ZNF398: variants seen among roughly 807,000 people sequenced by gnomAD.
The protein encoded by ZNF398 is zinc finger DNA binding protein ZER6.
A neutral mutation model predicts 41.9 loss-of-function variants in ZNF398; 18 were observed. That is an observed-to-expected ratio of 0.43 (90% CI 0.30 to 0.64). The LOEUF (loss-of-function observed/expected upper bound fraction) is 0.64, where lower values mean the gene tolerates loss of function less well. Among genes scored for constraint, ZNF398 ranks in the 30% least tolerant of loss-of-function variants. The pLI is 0.14. For missense variants in ZNF398, 669 were observed against 822.8 expected (o/e 0.81, Z 2.29); for synonymous variants, 260 against 308.8 (o/e 0.84, Z 1.66).
At chr7:149,126,899 T>C (rs1179135907) in intron 1 of ZNF398, among the ~76,000 whole-genome samples, 1 of 152,118 alleles carries the variant, frequency 6.6e-6, no homozygotes, top group Non-Finnish European at 1.5e-5. Context: ...AGCGCCCTTC[T>C]GGGCTCCCCG....
intron 5 of ZNF398, among the ~76,000 whole-genome samples, chr7:149,178,024 G>A (rs1795497583): frequency 6.6e-6 from 1 of 152,174 alleles, no homozygotes; most frequent in African/African-American, 2.4e-5. Context: ...GGACGCGGTG[G>A]CTCATGCCTG....
chr7:149,149,061 C>CT lies in ZNF398; in HGVS notation c.24+1295_24+1296insT, dbSNP rs1827041566. ...GTGCACGCCTGTAGTCCCAGCTAGG[C>CT]CGGGGGCTGAGGCGGAAGAATCACT... is the stretch of plus-strand genomic sequence containing the variant. On this transcript the variant is annotated intron_variant, in intron 1 of 5. Coordinates refer to ENST00000475153, the MANE Select transcript of ZNF398 (RefSeq NM_170686.3). Among the ~76,000 whole-genome samples the CT allele has an allele frequency of 4.0e-5, 6 of 151,606 alleles. No individual in the cohort carries two copies. The East Asian group carries it at 1.2e-3, about 29-fold the overall frequency.
chr7:149,131,648 T>A (rs1826597532), intron 2 of ZNF398, among the ~76,000 whole-genome samples: 1 of 152,162 alleles, frequency 6.6e-6, no homozygotes, highest in Non-Finnish European at 1.5e-5. Context: ...ATCGGGCCAC[T>A]GCACTCCAGC....
rs1202447 is a variant in ZNF398 at position 149,164,970 on chromosome 7, C to G, written c.421-1188C>G. 2.9e-4 allele frequency among the ~76,000 whole-genome samples: 44 copies of G among 151,988 alleles called. No homozygotes were observed. The East Asian group carries it at 6.0e-3, about 21-fold the overall frequency. ...TTAGCGGTGTGTGGTGGCGGGTGCC[C>G]GTAATCCTGGCTACTTGGGAGGCTG... On this transcript the variant is annotated intron_variant, in intron 2 of 5. Coordinates refer to ENST00000475153, the MANE Select transcript of ZNF398 (RefSeq NM_170686.3).
chr7:149,171,895 C>T (rs1403529550), intron 4 of ZNF398, among the ~76,000 whole-genome samples: 1 of 152,106 alleles, frequency 6.6e-6, no homozygotes, highest in Non-Finnish European at 1.5e-5. Flanking sequence ...TCTCAAACAC[C>T]TGGACTTAAG....
At chr7:149,154,382 C>G in intron 2 of ZNF398, 42 bp downstream of exon 2, 1 of 1,535,946 alleles carries the variant, frequency 6.5e-7, no homozygotes, top group South Asian at 1.3e-5. Flanking sequence ...ACCACTAGAA[C>G]TTACATTAGT....
chr7:149,148,345 A>G (rs1032140262), intron 1 of ZNF398: 2 of 767,000 alleles, frequency 2.6e-6, no homozygotes, highest in East Asian at 1.3e-4. Context: ...GGTGTTTGCC[A>G]AGGCCTGCGG....
intron 3 of ZNF398, 60 bp from the exon 4 acceptor site, chr7:149,166,757 A>G: frequency 8.1e-7 from 1 of 1,228,178 alleles, no homozygotes; most frequent in Non-Finnish European, 1.2e-6. Flanking sequence ...CTTGATGGCA[A>G]TTAGTTGTCA....
At chr7:149,165,246 C>G (rs996054299) in intron 2 of ZNF398, among the ~76,000 whole-genome samples, 1 of 152,082 alleles carries the variant, frequency 6.6e-6, no homozygotes, top group African/African-American at 2.4e-5. Context: ...GACATTAAAA[C>G]AGGAATGCTG....
At position 149,128,284 on chromosome 7, in the gene ZNF398, A is replaced by G. The variant is rs577226847; in HGVS notation, c.-611-539A>G. ...CAACTCCAAGCGGTGCTTACAGGTC[A>G]CAGGCGGATTCAGCGATTTTCTGAT... is the stretch of plus-strand genomic sequence containing the variant. On this transcript the variant is annotated intron_variant, in intron 1 of 6. Transcript: ENST00000426851. Among the ~76,000 whole-genome samples, 7 of 152,302 alleles carry G rather than the reference A, an allele frequency of 4.6e-5. 1 individual carries two copies. In the South Asian group the frequency reaches 1.5e-3, roughly 32 times the overall value.
chr7:149,170,786 G>A (rs1269639854), intron 4 of ZNF398, among the ~76,000 whole-genome samples: 1 of 152,076 alleles, frequency 6.6e-6, no homozygotes, highest in Admixed American at 6.6e-5. Flanking sequence ...GCCATGAATG[G>A]AGCTTGCAGG....
intron 2 of ZNF398, among the ~76,000 whole-genome samples, chr7:149,133,712 T>C (rs1481729416): frequency 4.0e-5 from 4 of 100,574 alleles, no homozygotes; most frequent in African/African-American, 1.9e-4. Context: ...TATACACACA[T>C]ATATATGTAT....
upstream of ZNF398, among the ~76,000 whole-genome samples, chr7:149,143,185 T>A (rs1053159501): frequency 6.6e-6 from 1 of 152,108 alleles, no homozygotes; most frequent in Non-Finnish European, 1.5e-5. Context: ...GCAGGAACAT[T>A]GTAGATTTTG....
chr7:149,138,735 T>C (rs1399830300), intron 2 of ZNF398, among the ~76,000 whole-genome samples: 2 of 152,142 alleles, frequency 1.3e-5, no homozygotes, highest in African/African-American at 4.8e-5. Flanking sequence ...GTCTCTGGAT[T>C]GTATGATTAT....
chr7:149,152,796 C>T (rs1026527095), intron 1 of ZNF398, among the ~76,000 whole-genome samples: 1 of 151,600 alleles, frequency 6.6e-6, no homozygotes, highest in African/African-American at 2.4e-5. Context: ...AACTCCCGAC[C>T]TCAGGTGATC....
chr7:149,141,449 T>TTA, intron 2 of ZNF398, among the ~76,000 whole-genome samples: 2 of 129,208 alleles, frequency 1.5e-5, no homozygotes, highest in Non-Finnish European at 1.7e-5. Flanking sequence ...CTACTTTTCT[T>TTA]TTTTTTCTTT....
At chr7:149,131,288 A>C (rs1826589764) in intron 2 of ZNF398, among the ~76,000 whole-genome samples, 1 of 152,206 alleles carries the variant, frequency 6.6e-6, no homozygotes. Flanking sequence ...ACTTCTAGTT[A>C]AGTTTTTGTT....
rs1274651985 is a variant in ZNF398 at position 149,180,658 on chromosome 7, C to T, written c.*857C>T. On this transcript the variant is annotated 3_prime_UTR_variant, in exon 6 of 6. Transcript: ENST00000475153. Reference sequence around the variant, plus strand: ...TGACAGAACAGCTTAAAATTTGTGCCTACACCATGTTCTGAGAGTCGTTCA... The same window carrying T: ...TGACAGAACAGCTTAAAATTTGTGCTTACACCATGTTCTGAGAGTCGTTCA... 6.6e-6 allele frequency: 1 copy of T among 152,158 alleles called. No homozygotes were observed. Among genetic ancestry groups the T allele is most frequent in the Admixed American group, 6.6e-5 (1 of 15,260 alleles). 9.4% of individuals were successfully genotyped at this position (152,158 alleles called of 1,614,324 possible). A position where few individuals can be genotyped will look rare whatever the true frequency, so the allele number is the denominator to read the frequency against.
intron 2 of ZNF398, among the ~76,000 whole-genome samples, chr7:149,135,397 A>G (rs1419394415): frequency 6.8e-6 from 1 of 146,880 alleles, no homozygotes; most frequent in African/African-American, 2.5e-5. Flanking sequence ...CTCAAAAAAA[A>G]AAAAAAAAAA....
Sources: allele counts gnomAD v4.1 joint callset (sites outside exome capture counted in the v4.1 genomes callset), GRCh38; gene constraint gnomAD v4.1.1; transcripts MANE v1.5; gene names NCBI Gene and HGNC (gene_info 2026-07-23, HGNC 2026-07-21).